Variants in PPP1R13B observed in about 807,000 individuals in gnomAD.
The protein encoded by PPP1R13B is apoptosis-stimulating of p53 protein 1.
A neutral mutation model predicts 119.8 loss-of-function variants in PPP1R13B; 44 were observed. The ratio of observed to expected loss-of-function variants is 0.37; its 90% confidence interval spans 0.29 to 0.47. The LOEUF (loss-of-function observed/expected upper bound fraction) is 0.47. PPP1R13B is among the 20% of genes least tolerant of loss of function. The pLI, the probability that PPP1R13B is intolerant of heterozygous loss-of-function variation, is 0.99. For synonymous variants in PPP1R13B, 542 were observed against 561.5 expected (o/e 0.97, Z 0.49); for missense variants, 1,227 against 1,413.5 (o/e 0.87, Z 2.12).
At chr14:103,762,767 G>C (rs1378074449) in intron 4 of PPP1R13B, 2 of 702,424 alleles carry the variant, frequency 2.8e-6, no homozygotes, top group East Asian at 2.8e-5. Context: ...CTGCTGCTGT[G>C]GGGGCAGGTG....
intron 4 of PPP1R13B, chr14:103,762,779 T>C: frequency 1.4e-6 from 1 of 724,278 alleles, no homozygotes; most frequent in African/African-American, 1.8e-5. Context: ...GGGCAGGTGG[T>C]GGCGGCGGCC....
intron 1 of PPP1R13B, among the ~76,000 whole-genome samples, chr14:103,808,437 C>A (rs958554325): frequency 2.0e-5 from 3 of 151,976 alleles, no homozygotes; most frequent in African/African-American, 7.3e-5. Context: ...CTAATGATAG[C>A]CAATGAGTTA....
At chr14:103,737,057 C>T (rs2084131810) in intron 15 of PPP1R13B, 1 of 152,304 alleles carries the variant, frequency 6.6e-6, no homozygotes, top group Admixed American at 6.5e-5. Flanking sequence ...CCAGGCCACC[C>T]CAGGAAAGGA....
At chr14:103,845,619 C>G (rs1249304567) in intron 1 of PPP1R13B, among the ~76,000 whole-genome samples, 2 of 152,110 alleles carry the variant, frequency 1.3e-5, no homozygotes, top group Non-Finnish European at 2.9e-5. Flanking sequence ...CTGAATGAAT[C>G]ATATGGAAAA....
intron 4 of PPP1R13B, among the ~76,000 whole-genome samples, chr14:103,762,174 G>A (rs1375943264): frequency 6.6e-6 from 1 of 152,180 alleles, no homozygotes; most frequent in East Asian, 1.9e-4. Flanking sequence ...AGAAGAGAGA[G>A]AACATGTATA....
At chr14:103,782,809 C>CT (rs960113180) in intron 3 of PPP1R13B, among the ~76,000 whole-genome samples, 1,905 of 145,530 alleles carry the variant, frequency 0.013, 36 homozygotes, top group African/African-American at 0.044. Flanking sequence ...TTCTACTAAG[C>CT]TTTTTTTTTT....
At chr14:103,774,280 A>C (rs2085131210) in intron 4 of PPP1R13B, among the ~76,000 whole-genome samples, 1 of 152,162 alleles carries the variant, frequency 6.6e-6, no homozygotes, top group South Asian at 2.1e-4. Flanking sequence ...CAGATTTTAA[A>C]ACTGCTTGGC....
At chr14:103,808,039 G>C (rs186506002) in intron 1 of PPP1R13B, among the ~76,000 whole-genome samples, 1 of 151,764 alleles carries the variant, frequency 6.6e-6, no homozygotes, top group South Asian at 2.1e-4. Context: ...TCAGGAGTTC[G>C]AGACCAGCCT....
Position 103,817,976 on chromosome 14 carries a change from T to C in PPP1R13B, c.10-20458A>G, listed in dbSNP as rs529751010. On this transcript the variant is annotated intron_variant, in intron 1 of 16. Transcript: ENST00000202556. ...TGATGAAACTACAGGAAATAATCTT[T>C]ACCCAAAAATTATCAGATGGGTAAA... is the stretch of plus-strand genomic sequence containing the variant. Among the ~76,000 whole-genome samples, 6 of 152,268 alleles carry C rather than the reference T, an allele frequency of 3.9e-5. No individual in the cohort carries two copies. The East Asian group carries it at 1.2e-3, about 29-fold the overall frequency.
rs1053362923 is a variant in PPP1R13B at position 103,847,349 on chromosome 14, G to A, written c.-42C>T. 1.6e-6 allele frequency: 2 copies of A among 1,212,972 alleles called. No individual in the cohort carries two copies. Among genetic ancestry groups the A allele is most frequent in the Admixed American group, 6.2e-5 (2 of 32,012 alleles). The allele number at this position is 1,212,972 out of a possible 1,614,324, so 75.1% of individuals were successfully genotyped here. On this transcript the variant is annotated 5_prime_UTR_variant, in exon 1 of 17. Transcript: ENST00000202556. Reference sequence around the variant, plus strand: ...GACGCCCTCGGCCGCCGCCTGACAGGACGCTCCGCGCCGAGCTGTGCCCAC... The same window carrying A: ...GACGCCCTCGGCCGCCGCCTGACAGAACGCTCCGCGCCGAGCTGTGCCCAC...
intron 1 of PPP1R13B, among the ~76,000 whole-genome samples, chr14:103,808,861 A>AT (rs1370120372): frequency 2.6e-5 from 4 of 151,674 alleles, no homozygotes; most frequent in African/African-American, 4.8e-5. Flanking sequence ...CTATACACCC[A>AT]TTTTTTTTAA....
At chr14:103,747,333 G>C (rs2084411211) in intron 8 of PPP1R13B, 1 of 152,140 alleles carries the variant, frequency 6.6e-6, no homozygotes, top group African/African-American at 2.4e-5. Context: ...GGACCTTTGG[G>C]TGGAGACGCA....
chr14:103,759,885 C>T (rs1251963122), intron 4 of PPP1R13B, among the ~76,000 whole-genome samples: 1 of 152,136 alleles, frequency 6.6e-6, no homozygotes, highest in Non-Finnish European at 1.5e-5. Context: ...CATTTATACT[C>T]TTTATGTTGC....
chr14:103,776,189 GAA>G (rs764559978), intron 4 of PPP1R13B, among the ~76,000 whole-genome samples: 942 of 88,668 alleles, frequency 0.011, 59 homozygotes, highest in African/African-American at 0.024. Context: ...AGGGAGGGAG[GAA>G]GGAAGGAAGG....
chr14:103,821,456 T>G (rs1049081575), intron 1 of PPP1R13B, among the ~76,000 whole-genome samples: 4 of 152,150 alleles, frequency 2.6e-5, no homozygotes, highest in African/African-American at 9.7e-5. Context: ...GTGTGAATTA[T>G]AAATACAGAG....
chr14:103,736,312 G>A lies in PPP1R13B; in HGVS notation c.3032-110C>T, dbSNP rs1451295296. Reference sequence around the variant, plus strand: ...CTGCTGCCGAGGCTGCTCTCAGCAGGCCCCACAGAGGCCAGCGAGGGAGAT... The same window carrying A: ...CTGCTGCCGAGGCTGCTCTCAGCAGACCCCACAGAGGCCAGCGAGGGAGAT... On this transcript the variant is annotated intron_variant, in intron 15 of 16. Transcript: ENST00000202556. 4.2e-6 allele frequency: 5 copies of A among 1,176,600 alleles called. No homozygotes were observed. In the African/African-American group the frequency reaches 6.0e-5, roughly 14 times the overall value. The allele number at this position is 1,176,600 out of a possible 1,614,324, so 72.9% of individuals were successfully genotyped here. A position where few individuals can be genotyped will look rare whatever the true frequency, so the allele number is the denominator to read the frequency against.
intron 1 of PPP1R13B, chr14:103,804,217 C>G (rs1452852538): frequency 1.0e-5 from 2 of 196,494 alleles, no homozygotes; most frequent in Non-Finnish European, 1.8e-5. Context: ...AGGCAGAAAA[C>G]TGACAACCAT....
At chr14:103,800,873 G>A (rs539342016) in intron 1 of PPP1R13B, among the ~76,000 whole-genome samples, 2 of 151,178 alleles carry the variant, frequency 1.3e-5, no homozygotes, top group Admixed American at 1.3e-4. Flanking sequence ...TTTTTGAGAC[G>A]GAGTTTCGCT....
At chr14:103,846,938 G>C (rs899678785) in intron 1 of PPP1R13B, 2 of 1,183,656 alleles carry the variant, frequency 1.7e-6, no homozygotes, top group Non-Finnish European at 2.2e-6. Context: ...GGCGACCCCA[G>C]AACGTTCGTT....
Sources: gnomAD v4.1 joint callset for allele counts (sites outside exome capture counted in the v4.1 genomes callset) on GRCh38, gnomAD v4.1.1 for gene constraint, MANE v1.5 for transcripts, NCBI Gene and HGNC (gene_info 2026-07-23, HGNC 2026-07-21) for gene names.